CAMTA1: variants seen among roughly 807,000 people sequenced by gnomAD.
The protein encoded by CAMTA1 is calmodulin-binding transcription activator 1.
CAMTA1 carries 27 observed loss-of-function variants against 170.9 expected under a neutral mutation model. The ratio of observed to expected loss-of-function variants is 0.16; its 90% CI spans 0.12 to 0.22. The LOEUF (loss-of-function observed/expected upper bound fraction) is 0.22. CAMTA1 is among the 10% of genes least tolerant of loss of function. The pLI is 1.00. For synonymous variants in CAMTA1, 833 were observed against 891.5 expected, an observed-to-expected ratio of 0.93 and a Z score of 1.17; for missense variants, 1,619 against 2,217.2, an observed-to-expected ratio of 0.73 and a Z score of 5.42.
intron 5 of CAMTA1, among the ~76,000 whole-genome samples, chr1:7,467,452 C>T (rs566139932): frequency 6.6e-5 from 10 of 152,322 alleles, no homozygotes; most frequent in African/African-American, 2.4e-4. Flanking sequence ...ATTCCCTGTA[C>T]CCCAAAGGGT....
chr1:6,820,273 A>C, intron 2 of CAMTA1, 23 bp downstream of exon 2: 1 of 1,613,624 alleles, frequency 6.2e-7, no homozygotes. Flanking sequence ...AAAGCTTTTG[A>C]CTTACAGGAA....
chr1:7,079,379 G>GA (rs1379034805), intron 3 of CAMTA1, among the ~76,000 whole-genome samples: 1 of 152,154 alleles, frequency 6.6e-6, no homozygotes, highest in Non-Finnish European at 1.5e-5. Context: ...TCACTGACCT[G>GA]AGAAGCTCAA....
intron 5 of CAMTA1, among the ~76,000 whole-genome samples, chr1:7,323,507 C>CTTTTTTTTTTTTTTTTTTTTTTTT (rs56382342): frequency 1.8e-5 from 2 of 108,998 alleles, no homozygotes; most frequent in African/African-American, 3.4e-5. Context: ...CTTTATTCTT[C>CTTTTTTTTTTTTTTTTTTTTTTTT]TTTTTTTTTT....
intron 6 of CAMTA1, among the ~76,000 whole-genome samples, chr1:7,618,460 C>T (rs774882755): frequency 3.3e-5 from 5 of 152,212 alleles, no homozygotes; most frequent in Non-Finnish European, 7.3e-5. Flanking sequence ...TTGGAAAAGA[C>T]GTCAGCTTTC....
intron 3 of CAMTA1, among the ~76,000 whole-genome samples, chr1:6,864,627 C>T (rs1665950772): frequency 6.6e-6 from 1 of 152,170 alleles, no homozygotes; most frequent in South Asian, 2.1e-4. Flanking sequence ...CTCTCAGCTC[C>T]CTTAGACATG....
In CAMTA1 at chr1:7,067,745, T is replaced by C. The variant is rs1709148060; in HGVS notation, c.235-23559T>C. Among the ~76,000 whole-genome samples, 1 of 152,202 alleles carries C rather than the reference T, an allele frequency of 6.6e-6. No individual in the cohort carries two copies. Among genetic ancestry groups the C allele is most frequent in the African/African-American group, 2.4e-5 (1 of 41,448 alleles). On this transcript the variant is annotated intron_variant, in intron 3 of 22. Transcript: ENST00000303635. This position sits in a 1 kb window ranked among gnomAD's most constrained non-coding sequence, Gnocchi z 4.3. ...TTTCTTGCCGACAGGACCTTGACTG[T>C]GTTCAGGTGTCAGTGGCCAAATTCT... is the stretch of plus-strand genomic sequence containing the variant.
intron 3 of CAMTA1, among the ~76,000 whole-genome samples, chr1:6,923,395 T>C (rs1441135419): frequency 6.6e-6 from 1 of 152,206 alleles, no homozygotes; most frequent in Non-Finnish European, 1.5e-5. Context: ...GGCTACCTGC[T>C]TTCAGTTTCA....
intron 6 of CAMTA1, among the ~76,000 whole-genome samples, chr1:7,628,303 G>T (rs780667800): frequency 1.3e-5 from 2 of 152,252 alleles, no homozygotes; most frequent in Non-Finnish European, 2.9e-5. Flanking sequence ...GATTAGCACT[G>T]ATTGGCTCTG....
intron 4 of CAMTA1, among the ~76,000 whole-genome samples, chr1:7,240,864 G>A (rs941534949): frequency 1.3e-5 from 2 of 152,152 alleles, no homozygotes; most frequent in Non-Finnish European, 2.9e-5. Flanking sequence ...ACTTAATGAT[G>A]AAAGACTGTA....
intron 3 of CAMTA1, among the ~76,000 whole-genome samples, chr1:7,040,723 CTT>C (rs1277626911): frequency 3.8e-4 from 54 of 141,508 alleles, no homozygotes; most frequent in Admixed American, 5.7e-4. Context: ...GGATCTCCCT[CTT>C]TTTTTTTTTT....
chr1:7,245,271 G>C (rs1344512369), intron 4 of CAMTA1, among the ~76,000 whole-genome samples: 1 of 149,698 alleles, frequency 6.7e-6, no homozygotes, highest in Non-Finnish European at 1.5e-5. Flanking sequence ...ATGTCTATAA[G>C]CTATTGGCTG....
At chr1:7,737,204 C>G in intron 14 of CAMTA1, 51 bp from the exon 15 acceptor site, 2 of 1,569,990 alleles carry the variant, frequency 1.3e-6, no homozygotes, top group Non-Finnish European at 8.7e-7. Context: ...AAAGTCAGGT[C>G]TGGTCTTGAC....
intron 3 of CAMTA1, among the ~76,000 whole-genome samples, chr1:6,903,431 C>T (rs1677578385): frequency 6.6e-6 from 1 of 152,220 alleles, no homozygotes; most frequent in Non-Finnish European, 1.5e-5. Flanking sequence ...CCCACTTTTA[C>T]AGCTGTTTTA....
chr1:7,119,459 C>CG (rs1184833156), intron 4 of CAMTA1, among the ~76,000 whole-genome samples: 1 of 152,134 alleles, frequency 6.6e-6, no homozygotes, highest in African/African-American at 2.4e-5. Flanking sequence ...CAGTGAACAG[C>CG]GGGGGGCATC....
At chr1:6,972,623 G>A (rs1692742156) in intron 3 of CAMTA1, among the ~76,000 whole-genome samples, 1 of 152,160 alleles carries the variant, frequency 6.6e-6, no homozygotes, top group African/African-American at 2.4e-5. Flanking sequence ...AGTCCTATCT[G>A]GCTGTCTTAG....
At chr1:7,031,186 C>T (rs1702749784) in intron 3 of CAMTA1, among the ~76,000 whole-genome samples, 1 of 151,900 alleles carries the variant, frequency 6.6e-6, no homozygotes. Context: ...TCTCTAATTA[C>T]AGTTGTAGAT....
chr1:7,123,476 C>A (rs967720495), intron 4 of CAMTA1, among the ~76,000 whole-genome samples: 5 of 152,144 alleles, frequency 3.3e-5, no homozygotes, highest in Admixed American at 1.3e-4. Context: ...TATTTGGGGA[C>A]ACCATTCATC....
intron 5 of CAMTA1, among the ~76,000 whole-genome samples, chr1:7,281,890 A>G (rs139987408): frequency 1.8e-3 from 275 of 151,696 alleles, no homozygotes; most frequent in African/African-American, 5.9e-3. Context: ...TGGAACGGGT[A>G]GAAACCAACC....
At chr1:6,843,900 G>C (rs1656894639) in intron 3 of CAMTA1, among the ~76,000 whole-genome samples, 1 of 152,204 alleles carries the variant, frequency 6.6e-6, no homozygotes, top group Non-Finnish European at 1.5e-5. Context: ...GTGTCAGCAA[G>C]AAACAGAGCA....
Sources: gnomAD v4.1 joint callset for allele counts (sites outside exome capture counted in the v4.1 genomes callset) on GRCh38, gnomAD v4.1.1 for gene constraint, Gnocchi (gnomAD v3.1) non-coding constraint, MANE v1.5 for transcripts, NCBI Gene and HGNC (gene_info 2026-07-23, HGNC 2026-07-21) for gene names.